The following OLAH variants were observed in gnomAD, a reference collection of about 807,000 sequenced individuals.
OLAH encodes the protein oleoyl-ACP hydrolase, also known as S-acyl fatty acid synthase thioesterase, medium chain.
In OLAH, 33 loss-of-function variants were observed where a neutral mutation model predicts 27.8. The ratio of observed to expected loss-of-function variants is 1.19; its 90% CI spans 0.90 to 1.59. OLAH has a LOEUF of 1.59. OLAH is among the 40% of genes most tolerant of loss of function. The pLI, the probability that OLAH is intolerant of heterozygous loss-of-function variation, is 0.00. For synonymous variants in OLAH, 120 were observed against 102.9 expected (o/e 1.17, Z -1.01); for missense variants, 359 against 310.8 (o/e 1.16, Z -1.17).
At position 15,054,988 on chromosome 10, in the gene OLAH, A is replaced by C. The variant is rs897762481; in HGVS notation, c.163+5223A>C. Among the ~76,000 whole-genome samples, 12 of 152,048 alleles carry C rather than the reference A, an allele frequency of 7.9e-5. No homozygotes were observed. The South Asian group carries it at 8.3e-4, about 11-fold the overall frequency. ...GTTTTGTTTTGTTTATTATTGAGAC[A>C]GAGTCTCACTCTGTCACCCAGGCTA... is the stretch of plus-strand genomic sequence containing the variant. On this transcript the variant is annotated intron_variant, in intron 3 of 7. Coordinates refer to ENST00000378228, the MANE Select transcript of OLAH (RefSeq NM_001039702.3).
chr10:15,042,161 T>C (rs534763590), upstream of OLAH, among the ~76,000 whole-genome samples: 1 of 152,058 alleles, frequency 6.6e-6, no homozygotes, highest in African/African-American at 2.4e-5. Flanking sequence ...ATTTTTCTTT[T>C]TTCTTTTGAG....
chr10:15,037,382 A>T (rs1177675658), intron 1 of OLAH, among the ~76,000 whole-genome samples: 1 of 152,014 alleles, frequency 6.6e-6, no homozygotes, highest in African/African-American at 2.4e-5. Flanking sequence ...GGAGTTTGAG[A>T]CCAGCCTGGC....
intron 6 of OLAH, among the ~76,000 whole-genome samples, chr10:15,068,705 T>C (rs904908198): frequency 6.6e-6 from 1 of 152,136 alleles, no homozygotes; most frequent in East Asian, 1.9e-4. Context: ...GATAATTTTA[T>C]AAAATCAAAA....
chr10:15,062,135 CAA>C (rs1169430505), intron 4 of OLAH: 11 of 310,010 alleles, frequency 3.5e-5, no homozygotes, highest in Non-Finnish European at 5.9e-5. Context: ...AGAAATTATG[CAA>C]AGAGTATATG....
intron 7 of OLAH, among the ~76,000 whole-genome samples, chr10:15,072,879 C>G (rs952450444): frequency 6.6e-6 from 1 of 151,768 alleles, no homozygotes; most frequent in South Asian, 2.1e-4. Context: ...GCTGATGATG[C>G]CTTTTGGATT....
intron 3 of OLAH, chr10:15,056,953 T>G (rs573511411): frequency 3.3e-6 from 5 of 1,502,696 alleles, no homozygotes; most frequent in East Asian, 5.3e-5. Flanking sequence ...GCCAAAATTC[T>G]TGGTCTATTC....
In OLAH at chr10:15,061,840, C is replaced by A. The variant is rs768895645; in HGVS notation, c.280C>A (p.Pro94Thr). The A allele has an allele frequency of 4.3e-6, 7 of 1,613,458 alleles. No homozygotes were observed. Among genetic ancestry groups the A allele is most frequent in the East Asian group, 2.2e-5 (1 of 44,856 alleles). The change falls in exon 4 of 8, where the codon CCA (proline) becomes ACA (threonine). Residue 94 changes from proline (P) to threonine (T), a missense_variant. Physicochemically the swap from Pro to Thr is conservative, Grantham distance 38. Coordinates refer to ENST00000378228, the MANE Select transcript of OLAH (RefSeq NM_001039702.3). The part of the protein sequence containing the change: ...CALQPVIQDK[P>T]FAFFGHSMGS... The stretch of plus-strand genomic sequence containing the variant: ...TCTGCAGCCAGTCATCCAGGATAAA[C>A]CATTTGCATTTTTTGGCCACAGGTA...
At chr10:15,057,942 A>G (rs1844279142) in intron 3 of OLAH, among the ~76,000 whole-genome samples, 1 of 152,232 alleles carries the variant, frequency 6.6e-6, no homozygotes, top group Non-Finnish European at 1.5e-5. Flanking sequence ...TTAGATATCC[A>G]GTAGCATAAG....
In OLAH at chr10:15,069,688, G is replaced by A. The variant is rs368641444; in HGVS notation, c.573-2107G>A. Among the ~76,000 whole-genome samples, 66 of 152,224 alleles carry A rather than the reference G, an allele frequency of 4.3e-4. 1 individual carries two copies. The highest frequency in any genetic ancestry group is 9.7e-4 in the East Asian group (5 of 5,170). On this transcript the variant is annotated intron_variant, in intron 6 of 7. Transcript: ENST00000378228. ...TCGAGACCAGCCTGGCCAACATGGC[G>A]AAACCCCATCTCTACTAAAAATACA...
intron 2 of OLAH, among the ~76,000 whole-genome samples, chr10:15,047,989 G>T (rs1266264317): frequency 6.6e-6 from 1 of 152,090 alleles, no homozygotes; most frequent in South Asian, 2.1e-4. Context: ...AACGAGAGGG[G>T]TATAACAGAT....
chr10:15,048,070 T>A (rs1474752613), intron 2 of OLAH, among the ~76,000 whole-genome samples: 3 of 152,204 alleles, frequency 2.0e-5, no homozygotes, highest in Non-Finnish European at 4.4e-5. Flanking sequence ...AATTTAAGGA[T>A]CAATTTGGAA....
intron 3 of OLAH, among the ~76,000 whole-genome samples, chr10:15,050,795 C>T (rs1589241982): frequency 1.3e-5 from 2 of 152,002 alleles, no homozygotes; most frequent in South Asian, 2.1e-4. Context: ...CCCGCCTCGG[C>T]CTCCCAAAGT....
chr10:15,060,120 G>A (rs536419658), intron 3 of OLAH, among the ~76,000 whole-genome samples: 41 of 152,058 alleles, frequency 2.7e-4, no homozygotes, highest in South Asian at 1.5e-3. Context: ...GTACCACAGT[G>A]TACTCATCAG....
upstream of OLAH, among the ~76,000 whole-genome samples, chr10:15,039,811 G>A (rs893987068): frequency 3.3e-5 from 5 of 152,198 alleles, no homozygotes; most frequent in Admixed American, 2.0e-4. Flanking sequence ...GGAGAAGTCT[G>A]TATCCCCTAA....
chr10:15,054,987 CAG>C (rs1357603426), intron 3 of OLAH, among the ~76,000 whole-genome samples: 2 of 151,908 alleles, frequency 1.3e-5, no homozygotes, highest in Non-Finnish European at 2.9e-5. Context: ...ATTATTGAGA[CAG>C]AGTCTCACTC....
At chr10:15,071,938 T>G (rs1295115196) in intron 7 of OLAH, 61 bp downstream of exon 7, 6 of 1,304,946 alleles carry the variant, frequency 4.6e-6, no homozygotes, top group Non-Finnish European at 6.6e-6. Flanking sequence ...CTTTAAAATT[T>G]TTTTTTTTCT....
chr10:15,049,820 G>T, intron 3 of OLAH, 55 bp downstream of exon 3: 1 of 1,529,012 alleles, frequency 6.5e-7, no homozygotes, highest in Middle Eastern at 1.7e-4. Flanking sequence ...TGACATAAAT[G>T]TATTAGAATT....
intron 1 of OLAH, among the ~76,000 whole-genome samples, chr10:15,037,299 A>G (rs1843855248): frequency 1.3e-5 from 2 of 152,126 alleles, no homozygotes; most frequent in South Asian, 2.1e-4. Flanking sequence ...TTATCATAGA[A>G]GCCGGCTGCA....
intron 3 of OLAH, among the ~76,000 whole-genome samples, chr10:15,060,100 G>A (rs752750024): frequency 5.3e-5 from 8 of 151,662 alleles, no homozygotes; most frequent in African/African-American, 7.3e-5. Context: ...ATGTTAGATC[G>A]ATTTATAGTG....
Sources: gnomAD v4.1 joint callset for allele counts (sites outside exome capture counted in the v4.1 genomes callset) on GRCh38, gnomAD v4.1.1 for gene constraint, MANE v1.5 for transcripts, NCBI Gene and HGNC (gene_info 2026-07-23, HGNC 2026-07-21) for gene names.